RNF214: variants seen among roughly 807,000 people sequenced by gnomAD.
The protein encoded by RNF214 is ring finger protein 214.
Under a neutral mutation model 75.9 loss-of-function variants are expected in RNF214, and 25 were observed. The observed-to-expected ratio is 0.33, with a 90% CI of 0.24 to 0.46. RNF214 has a LOEUF of 0.46. Ranked by LOEUF, RNF214 falls within the 20% of genes least tolerant of loss-of-function variation. The pLI is 1.00. For synonymous variants in RNF214, 314 were observed against 308.8 expected (o/e 1.02, Z -0.18); for missense variants, 725 against 857.5 (o/e 0.85, Z 1.93).
intron 6 of RNF214, among the ~76,000 whole-genome samples, chr11:117,272,176 A>G (rs971594190): frequency 1.3e-5 from 2 of 152,114 alleles, no homozygotes; most frequent in Non-Finnish European, 2.9e-5. Flanking sequence ...CAGTGAGCTT[A>G]CGATTGTGCC....
chr11:117,258,353 C>T (rs1259564547), intron 6 of RNF214, among the ~76,000 whole-genome samples: 2 of 152,092 alleles, frequency 1.3e-5, no homozygotes, highest in Non-Finnish European at 2.9e-5. Flanking sequence ...AGGCGTGAGC[C>T]ACCACGCCCA....
At chr11:117,240,000 C>G in intron 4 of RNF214, 140 bp downstream of exon 4, 1 of 594,336 alleles carries the variant, frequency 1.7e-6, no homozygotes, top group South Asian at 2.0e-5. Flanking sequence ...TCCTTGATCA[C>G]TTCCAAAGAT....
chr11:117,241,578 CAAAAAA>C (rs201566240), intron 4 of RNF214, among the ~76,000 whole-genome samples: 1 of 102,902 alleles, frequency 9.7e-6, no homozygotes, highest in Non-Finnish European at 2.1e-5. Flanking sequence ...GAATCTGTCT[CAAAAAA>C]AAAAAAAAAA....
intron 6 of RNF214, among the ~76,000 whole-genome samples, chr11:117,267,512 G>A (rs1312884772): frequency 6.6e-6 from 1 of 151,844 alleles, no homozygotes; most frequent in East Asian, 1.9e-4. Flanking sequence ...AGGAGTTGGA[G>A]ACCAGTTTGG....
intron 6 of RNF214, among the ~76,000 whole-genome samples, chr11:117,273,179 C>T (rs923935339): frequency 6.6e-6 from 1 of 151,942 alleles, no homozygotes; most frequent in African/African-American, 2.4e-5. Context: ...TAAAGAAAAT[C>T]TGATGATATG....
At position 117,280,312 on chromosome 11, in the gene RNF214, T is replaced by C. The variant is rs189065446; in HGVS notation, c.1145+53T>C. Reference sequence around the variant, plus strand: ...AATTGTTTTGCAGTTTGTTTGTTTGTTTGTTTAGGTTTTTTCATTCCTAGG... The same window carrying C: ...AATTGTTTTGCAGTTTGTTTGTTTGCTTGTTTAGGTTTTTTCATTCCTAGG... On this transcript the variant is annotated intron_variant, in intron 8 of 14. Transcript: ENST00000300650. 66 of 1,300,984 alleles carry C rather than the reference T, an allele frequency of 5.1e-5. No individual in the cohort carries two copies. In the Admixed American group the frequency reaches 9.4e-4, roughly 18 times the overall value. The allele number at this position is 1,300,984 out of a possible 1,614,324, so 80.6% of individuals were successfully genotyped here.
chr11:117,276,709 G>C (rs956971775), intron 6 of RNF214, among the ~76,000 whole-genome samples: 1 of 152,210 alleles, frequency 6.6e-6, no homozygotes, highest in African/African-American at 2.4e-5. Context: ...CAAAGGAAAA[G>C]ATTTTTTGTT....
chr11:117,243,703 A>G (rs755958799), intron 4 of RNF214, among the ~76,000 whole-genome samples: 24 of 151,952 alleles, frequency 1.6e-4, no homozygotes, highest in Non-Finnish European at 3.4e-4. Flanking sequence ...TTTCAGAAGC[A>G]CTTCTATTTA....
chr11:117,238,327 C>G (rs946783579), intron 2 of RNF214, among the ~76,000 whole-genome samples: 1 of 152,134 alleles, frequency 6.6e-6, no homozygotes, highest in Admixed American at 6.5e-5. Flanking sequence ...ATTGCTTGAG[C>G]CAAGGATGTT....
chr11:117,285,324 T>C lies in RNF214; in HGVS notation c.*173T>C. 1 of 526,782 alleles carries C rather than the reference T, an allele frequency of 1.9e-6. No homozygotes were observed. Among genetic ancestry groups the C allele is most frequent in the Non-Finnish European group, 3.4e-6 (1 of 296,510 alleles). 32.6% of individuals were successfully genotyped at this position (526,782 alleles called of 1,614,324 possible). On this transcript the variant is annotated 3_prime_UTR_variant, in exon 15 of 15. Transcript: ENST00000300650. ...GTATTCCAATGTTCGTAAATGAAAC[T>C]ATGTATATTATGCAGAAACAGTCTG... is the stretch of plus-strand genomic sequence containing the variant.
At chr11:117,283,355 T>TTTTTG (rs1375443407) in intron 14 of RNF214, 145 bp downstream of exon 14, 10 of 643,138 alleles carry the variant, frequency 1.6e-5, no homozygotes, top group South Asian at 4.0e-5. Flanking sequence ...ATTAATATCT[T>TTTTTG]TTTTGTTTTG....
chr11:117,275,513 G>A (rs920485290), intron 6 of RNF214, among the ~76,000 whole-genome samples: 6 of 152,220 alleles, frequency 3.9e-5, no homozygotes, highest in South Asian at 2.1e-4. Flanking sequence ...TAGATTAGCT[G>A]TGAGAGGATT....
chr11:117,275,886 A>G (rs1432103316), intron 6 of RNF214, among the ~76,000 whole-genome samples: 2 of 152,176 alleles, frequency 1.3e-5, no homozygotes, highest in African/African-American at 2.4e-5. Flanking sequence ...AACTCATTCT[A>G]CAAAGCCAGT....
chr11:117,251,517 G>A (rs868065869), intron 6 of RNF214, among the ~76,000 whole-genome samples: 37 of 92,666 alleles, frequency 4.0e-4, no homozygotes, highest in African/African-American at 1.6e-3. Flanking sequence ...GCGGCTGGCC[G>A]GGCGGGGGGC....
At chr11:117,263,905 G>A in intron 6 of RNF214, 1 of 262,532 alleles carries the variant, frequency 3.8e-6, no homozygotes, top group Non-Finnish European at 7.5e-6. Context: ...CTTCAGTTTA[G>A]GAGGACTGTC....
intron 5 of RNF214, among the ~76,000 whole-genome samples, chr11:117,245,497 G>T (rs957965764): frequency 1.3e-5 from 2 of 151,242 alleles, no homozygotes; most frequent in African/African-American, 4.9e-5. Context: ...CCGCCACTAC[G>T]CCCGGCTAAT....
chr11:117,255,026 C>T (rs2033485789), intron 6 of RNF214, among the ~76,000 whole-genome samples: 1 of 152,136 alleles, frequency 6.6e-6, no homozygotes, highest in Non-Finnish European at 1.5e-5. Flanking sequence ...ACAACATCAC[C>T]TGGATCCTCA....
chr11:117,247,009 C>CGTTT, intron 6 of RNF214, 61 bp downstream of exon 6: 1 of 1,279,010 alleles, frequency 7.8e-7, no homozygotes, highest in Admixed American at 2.6e-5. Flanking sequence ...GGGCCAGACC[C>CGTTT]GTTTGTATTT....
intron 6 of RNF214, among the ~76,000 whole-genome samples, chr11:117,251,166 G>C (rs1162125928): frequency 6.7e-6 from 1 of 149,342 alleles, no homozygotes; most frequent in African/African-American, 2.5e-5. Flanking sequence ...TGGCAGAGGG[G>C]CTCCTCACTT....
Sources: gnomAD v4.1 joint callset for allele counts (sites outside exome capture counted in the v4.1 genomes callset) on GRCh38, gnomAD v4.1.1 for gene constraint, MANE v1.5 for transcripts, NCBI Gene and HGNC (gene_info 2026-07-23, HGNC 2026-07-21) for gene names.